KIRREL2: variants seen among roughly 807,000 people sequenced by gnomAD.
KIRREL2 encodes the protein kin of IRRE-like protein 2.
In KIRREL2, 56 loss-of-function variants were observed where a neutral mutation model predicts 73.4. That is an observed-to-expected ratio of 0.76 (90% CI 0.62 to 0.95). KIRREL2 has a LOEUF of 0.95. Ranked by LOEUF, KIRREL2 falls within the 40% of genes least tolerant of loss-of-function variation. The probability of loss-of-function intolerance (pLI) is 0.00; values close to 1 mark genes in which losing one functional copy is unlikely to be tolerated. For synonymous variants in KIRREL2, 407 were observed against 404.0 expected (o/e 1.01, Z -0.09); for missense variants, 896 against 935.0 (o/e 0.96, Z 0.54).
intron 12 of KIRREL2, 29 bp from the exon 13 acceptor site, chr19:35,862,898 G>C: frequency 7.1e-7 from 1 of 1,399,098 alleles, no homozygotes. Context: ...CCCGCCCATC[G>C]CTTAACTCCA....
intron 13 of KIRREL2, among the ~76,000 whole-genome samples, chr19:35,863,541 C>T (rs916078856): frequency 4.6e-5 from 7 of 151,482 alleles, no homozygotes; most frequent in Non-Finnish European, 1.0e-4. Context: ...CAACCTCTGC[C>T]TCCCTGGTTC....
upstream of KIRREL2, chr19:35,851,688 G>T: frequency 1.2e-6 from 2 of 1,605,210 alleles, no homozygotes; most frequent in East Asian, 4.5e-5. Context: ...GACACAGCGC[G>T]GTGCAAGGAA....
chr19:35,856,096 AG>A (rs1383362843), upstream of KIRREL2: 1 of 152,386 alleles, frequency 6.6e-6, no homozygotes, highest in East Asian at 1.9e-4. This position sits in a 1 kb window ranked among gnomAD's most constrained non-coding sequence, Gnocchi z 5.9. Context: ...TCAGGGTCCC[AG>A]CCCCCCAGCC....
chr19:35,862,055 G>A (rs1393233872), intron 11 of KIRREL2, 31 bp downstream of exon 11: 1 of 1,569,436 alleles, frequency 6.4e-7, no homozygotes, highest in South Asian at 1.2e-5. Flanking sequence ...CCCCAAATCT[G>A]GAGAGTCTAA....
At position 35,859,515 on chromosome 19, in the gene KIRREL2, A is replaced by C. The variant is rs1418265636; in HGVS notation, c.557A>C (p.Glu186Ala). 6.2e-7 allele frequency: 1 copy of C among 1,614,002 alleles called. No homozygotes were observed. The highest frequency in any genetic ancestry group is 8.5e-7 in the Non-Finnish European group (1 of 1,179,986). Reference sequence around the variant, plus strand: ...AAGGAAGGGACCCCTGGGTCAGTGGAGAGCACCTTAACCCTGACCCCTTTC... The same window carrying C: ...AAGGAAGGGACCCCTGGGTCAGTGGCGAGCACCTTAACCCTGACCCCTTTC... ...LLKEGTPGSV[E>A]STLTLTPFSH... Residue 186 changes from glutamate to alanine, a missense_variant, in exon 5 of 15, where the codon GAG (glutamate) becomes GCG (alanine). Coordinates refer to ENST00000360202, the MANE Select transcript of KIRREL2 (RefSeq NM_199180.4).
intron 5 of KIRREL2, among the ~76,000 whole-genome samples, 159 bp downstream of exon 5, chr19:35,859,790 C>T (rs764019780): frequency 5.3e-5 from 8 of 152,148 alleles, no homozygotes; most frequent in Non-Finnish European, 1.2e-4. Flanking sequence ...CACGCCTGTA[C>T]TCACAGAACT....
chr19:35,855,102 C>T (rs1473670246), upstream of KIRREL2, among the ~76,000 whole-genome samples: 1 of 152,116 alleles, frequency 6.6e-6, no homozygotes, highest in African/African-American at 2.4e-5. Flanking sequence ...GCTTCATCCT[C>T]GATGCTGGAC....
rs746728686 is a variant in KIRREL2, at chr19:35,861,873, T to A, written c.1359T>A (p.Pro453=). The change falls in exon 11 of 15, where the codon CCT becomes CCA. Residue 453 remains proline (P), a synonymous_variant. Transcript: ENST00000360202. ...SQGRFLVETF[P]APESRGGLGP... Reference sequence around the variant, plus strand: ...GCCGGTTCCTGGTGGAGACATTCCCTGCCCCAGAGAGCCGCGGGGGACTGG... The same window carrying A: ...GCCGGTTCCTGGTGGAGACATTCCCAGCCCCAGAGAGCCGCGGGGGACTGG... 1.9e-6 allele frequency: 3 copies of A among 1,594,984 alleles called. No homozygotes were observed. Among genetic ancestry groups the A allele is most frequent in the Non-Finnish European group, 2.6e-6 (3 of 1,171,068 alleles).
At position 35,860,490 on chromosome 19, in the gene KIRREL2, C is replaced by A. The variant is rs199960368; in HGVS notation, c.780-29C>A. Reference sequence around the variant, plus strand: ...AGTAGGTGTGCCAGAGAGGCCAGGACAACGTTAACAGCGCCACCATTTCCT... The same window carrying A: ...AGTAGGTGTGCCAGAGAGGCCAGGAAAACGTTAACAGCGCCACCATTTCCT... On this transcript the variant is annotated intron_variant, in intron 6 of 14. Transcript: ENST00000360202. The A allele has an allele frequency of 2.1e-3, 3,413 of 1,602,590 alleles. 5 individuals carry two copies. Among genetic ancestry groups the A allele is most frequent in the Non-Finnish European group, 2.7e-3 (3,142 of 1,179,320 alleles).
Position 35,861,033 on chromosome 19 carries a change from G to T in KIRREL2, c.1053G>T (p.Ala351=), listed in dbSNP as rs35854130. 0.22 allele frequency: 354,132 copies of T among 1,610,288 alleles called. 41,137 individuals are homozygous for T. The highest frequency in any genetic ancestry group is 0.31 in the Middle Eastern group (1,845 of 6,046). The change falls in exon 8 of 15, where the codon GCG becomes GCT. Residue 351 remains alanine, a synonymous_variant. Coordinates refer to ENST00000360202, the MANE Select transcript of KIRREL2 (RefSeq NM_199180.4). ...PRVTWTRRGG[A]QVLGSGATLR... ...TAACCTGGACCCGCCGCGGTGGCGC[G>T]CAGGTACAGCCCTAAATCTGAGGCG...
In KIRREL2 at chr19:35,866,644, T is replaced by A. The variant is rs1973985840; in HGVS notation, c.*152T>A. ...ATTACATTTGTCAGGAGCATTTGTA[T>A]ACAGTCAGCTCAGCCAAAGGAGATG... On this transcript the variant is annotated 3_prime_UTR_variant, in exon 15 of 15. Transcript: ENST00000360202. 3.4e-6 allele frequency: 4 copies of A among 1,182,004 alleles called. No individual in the cohort carries two copies. The highest frequency in any genetic ancestry group is 4.9e-6 in the Non-Finnish European group (4 of 822,296). The allele number at this position is 1,182,004 out of a possible 1,614,324, so 73.2% of individuals were successfully genotyped here.
chr19:35,860,566 T>C lies in KIRREL2; in HGVS notation c.827T>C (p.Leu276Ser). 1 of 1,603,524 alleles carries C rather than the reference T, an allele frequency of 6.2e-7. No individual in the cohort carries two copies. The highest frequency in any genetic ancestry group is 1.7e-4 in the Middle Eastern group (1 of 6,050). Residue 276 changes from leucine to serine, a missense_variant, in exon 7 of 15, where the codon TTA becomes TCA. By Grantham distance (145) the Leu-to-Ser change is moderately radical. Coordinates refer to ENST00000360202, the MANE Select transcript of KIRREL2 (RefSeq NM_199180.4). ...SPVLGARGPR[L>S]EVVADASFLT... is the part of the protein sequence containing the mutation. ...GTGCTCGGGGCCCGCGGGCCAAGGT[T>C]AGAGGTCGTGGCAGACGCCTCGTTC...
At chr19:35,862,450 T>A in intron 11 of KIRREL2, 43 bp from the exon 12 acceptor site, 2 of 1,435,242 alleles carry the variant, frequency 1.4e-6, no homozygotes, top group Admixed American at 1.7e-5. Flanking sequence ...CGCTTCCTGG[T>A]TCCCCCTCAG....
rs752567356 is a variant in KIRREL2, at chr19:35,862,043, G to T, written c.1510+19G>T. ...CGTAGAGGTGAGACCCCAGCCCGAAGACCCCAAATCTGGAGAGTCTAAACC... is the reference window on the plus strand; with the variant it reads ...CGTAGAGGTGAGACCCCAGCCCGAATACCCCAAATCTGGAGAGTCTAAACC... On this transcript the variant is annotated intron_variant, in intron 11 of 14. Coordinates refer to ENST00000360202, the MANE Select transcript of KIRREL2 (RefSeq NM_199180.4). The T allele has an allele frequency of 3.1e-6, 5 of 1,590,548 alleles. No individual in the cohort carries two copies. The highest frequency in any genetic ancestry group is 3.4e-6 in the Non-Finnish European group (4 of 1,168,172).
intron 3 of KIRREL2, 21 bp downstream of exon 3, chr19:35,858,578 T>TC: frequency 6.2e-7 from 1 of 1,613,148 alleles, no homozygotes. Context: ...CGCCCACTTG[T>TC]CCCCTGGGAG....
chr19:35,852,444 A>G (rs1216291010), upstream of KIRREL2, among the ~76,000 whole-genome samples: 1 of 152,172 alleles, frequency 6.6e-6, no homozygotes, highest in Non-Finnish European at 1.5e-5. Context: ...GAGAGCGATG[A>G]GGCTGATGCA....
chr19:35,861,085 T>C, intron 8 of KIRREL2, 37 bp from the exon 9 acceptor site: 1 of 1,606,068 alleles, frequency 6.2e-7, no homozygotes, highest in Non-Finnish European at 8.5e-7. Context: ...CAGGCTTCCT[T>C]ACAAATCCGG....
Position 35,866,375 on chromosome 19 carries a change from C to T in KIRREL2, c.2010C>T (p.Phe670=). 1 of 1,613,596 alleles carries T rather than the reference C, an allele frequency of 6.2e-7. No homozygotes were observed. The highest frequency in any genetic ancestry group is 8.5e-7 in the Non-Finnish European group (1 of 1,179,592). ...TCACCACACCCCACCCTCGAGCTTT[C>T]ACCAGCTACATCAAACCCACATCCT... The part of the protein sequence containing the change: ...GYLTTPHPRA[F]TSYIKPTSFG... Residue 670 remains phenylalanine, a synonymous_variant, in exon 15 of 15, where the codon TTC becomes TTT. Coordinates refer to ENST00000360202, the MANE Select transcript of KIRREL2 (RefSeq NM_199180.4).
At position 35,857,179 on chromosome 19, in the gene KIRREL2, A is replaced by G. The variant is rs966923977; in HGVS notation, c.60A>G (p.Ala20=). The stretch of plus-strand genomic sequence containing the variant: ...TCCTCTTCTGCTTCAGAGGGAGAGC[A>G]GGTACCGCACGAGGGGAGCGGAGGA... The part of the protein sequence containing the change: ...LVLLFCFRGR[A]GPSPHFLQQP... The change falls in exon 1 of 15, where the codon GCA becomes GCG. Residue 20 remains alanine, a splice_region_variant and synonymous_variant. Transcript: ENST00000360202. 8 of 1,350,262 alleles carry G rather than the reference A, an allele frequency of 5.9e-6. No homozygotes were observed. The highest frequency in any genetic ancestry group is 8.3e-6 in the Non-Finnish European group (8 of 961,680). The allele number at this position is 1,350,262 out of a possible 1,614,324, so 83.6% of individuals were successfully genotyped here.
Sources: gnomAD v4.1 joint callset for allele counts (sites outside exome capture counted in the v4.1 genomes callset) on GRCh38, gnomAD v4.1.1 for gene constraint, Gnocchi (gnomAD v3.1) non-coding constraint, MANE v1.5 for transcripts, NCBI Gene and HGNC (gene_info 2026-07-23, HGNC 2026-07-21) for gene names.